TMEM214: variants seen among roughly 807,000 people sequenced by gnomAD.
TMEM214 encodes transmembrane protein 214.
In TMEM214, 71 loss-of-function variants were observed where a neutral mutation model predicts 89.8. That is an observed-to-expected ratio of 0.79 (90% confidence interval 0.65 to 0.96). The LOEUF (loss-of-function observed/expected upper bound fraction) is 0.96. Among genes scored for constraint, TMEM214 ranks in the 40% least tolerant of loss-of-function variants. The pLI is 0.00. For missense variants in TMEM214, 754 were observed against 843.4 expected, an observed-to-expected ratio of 0.89 and a Z score of 1.31; for synonymous variants, 332 against 349.5, an observed-to-expected ratio of 0.95 and a Z score of 0.56.
intron 7 of TMEM214, 92 bp from the exon 8 acceptor site, chr2:27,036,985 C>G: frequency 8.1e-7 from 1 of 1,235,928 alleles, no homozygotes; most frequent in South Asian, 1.2e-5. Flanking sequence ...AGTTTATACC[C>G]TTTTTCCTAG....
rs754026289 is a variant in TMEM214 at position 27,038,697 on chromosome 2, C to G, written c.1294-5C>G. 3.7e-6 allele frequency: 6 copies of G among 1,613,480 alleles called. No homozygotes were observed. The highest frequency in any genetic ancestry group is 5.1e-6 in the Non-Finnish European group (6 of 1,179,644). On this transcript the variant is annotated splice_polypyrimidine_tract_variant and splice_region_variant and intron_variant, in intron 11 of 16. Coordinates refer to ENST00000238788, the MANE Select transcript of TMEM214 (RefSeq NM_017727.5). This position sits in a 1 kb window ranked among gnomAD's most constrained non-coding sequence, Gnocchi z 4.4. Reference sequence around the variant, plus strand: ...CCTCACAGGCCAGACCTTTCTTGTCCATAGGTACAGAAGTCTTTGCAAGAA... The same window carrying G: ...CCTCACAGGCCAGACCTTTCTTGTCGATAGGTACAGAAGTCTTTGCAAGAA...
At chr2:27,040,296 G>T (rs779360645) in intron 15 of TMEM214, 49 bp from the exon 16 acceptor site, 25 of 1,611,048 alleles carry the variant, frequency 1.6e-5, no homozygotes, top group African/African-American at 2.7e-5. Flanking sequence ...TTTAGGGCCA[G>T]GATGCAGTTC....
At chr2:27,040,618 C>A (rs1667797567) in intron 16 of TMEM214, 93 bp from the exon 17 acceptor site, 1 of 1,587,556 alleles carries the variant, frequency 6.3e-7, no homozygotes, top group Admixed American at 1.7e-5. Context: ...TCCTGGCCAC[C>A]CTGGGATGAG....
In TMEM214 at chr2:27,038,629, C is replaced by T; in HGVS notation, c.1294-73C>T. ...CACTGTCCCTTCCCTGAGAAGGGAC[C>T]CTGTTGGCATGGAAAATGAAGCAGG... On this transcript the variant is annotated intron_variant, in intron 11 of 16. Coordinates refer to ENST00000238788, the MANE Select transcript of TMEM214 (RefSeq NM_017727.5). The surrounding 1 kb of genome is among the most constrained non-coding windows in gnomAD (Gnocchi z 4.4). 1 of 1,598,652 alleles carries T rather than the reference C, an allele frequency of 6.3e-7. No homozygotes were observed.
At position 27,040,840 on chromosome 2, in the gene TMEM214, C is replaced by T. The variant is rs1667806897; in HGVS notation, c.*3C>T. 1 of 1,612,038 alleles carries T rather than the reference C, an allele frequency of 6.2e-7. No homozygotes were observed. The highest frequency in any genetic ancestry group is 2.2e-5 in the East Asian group (1 of 44,780). On this transcript the variant is annotated 3_prime_UTR_variant, in exon 17 of 17. Transcript: ENST00000238788. ...TTGCCCTGATATCCCAGCAGTAGGC[C>T]CTGCCTTCCTGGCCACTGATTTCTG... is the stretch of plus-strand genomic sequence containing the variant.
In TMEM214 at chr2:27,038,718, A is replaced by G; in HGVS notation, c.1310A>G (p.Gln437Arg). Residue 437 changes from glutamine (Q) to arginine (R), a missense_variant, in exon 12 of 17, where the codon CAA becomes CGA. Physicochemically the swap from Gln to Arg is conservative, Grantham distance 43. Transcript: ENST00000238788. This position sits in a 1 kb window ranked among gnomAD's most constrained non-coding sequence, Gnocchi z 4.4. ...TGTCCATAGGTACAGAAGTCTTTGC[A>G]AGAAACCATTCAGTCCCTCAAGCTT... ...QIPKKVQKSL[Q>R]ETIQSLKLTN... is the part of the protein sequence containing the mutation. The G allele has an allele frequency of 1.2e-6, 2 of 1,614,168 alleles. No homozygotes were observed. The highest frequency in any genetic ancestry group is 2.2e-5 in the South Asian group (2 of 91,082).
chr2:27,038,706 A>T lies in TMEM214; in HGVS notation c.1298A>T (p.Gln433Leu), dbSNP rs1012642661. The T allele has an allele frequency of 5.0e-6, 8 of 1,613,946 alleles. No individual in the cohort carries two copies. In the African/African-American group the frequency reaches 1.1e-4, roughly 22 times the overall value. ...CCAGACCTTTCTTGTCCATAGGTAC[A>T]GAAGTCTTTGCAAGAAACCATTCAG... ...SSWEQIPKKV[Q>L]KSLQETIQSL... is the part of the protein sequence containing the mutation. The change falls in exon 12 of 17, where the codon CAG becomes CTG. Residue 433 changes from glutamine (Q) to leucine (L), a missense_variant. Transcript: ENST00000238788. This position sits in a 1 kb window ranked among gnomAD's most constrained non-coding sequence, Gnocchi z 4.4.
At position 27,038,616 on chromosome 2, in the gene TMEM214, C is replaced by T; in HGVS notation, c.1293+84C>T. 6.3e-7 allele frequency: 1 copy of T among 1,595,776 alleles called. No homozygotes were observed. The highest frequency in any genetic ancestry group is 8.6e-7 in the Non-Finnish European group (1 of 1,164,526). On this transcript the variant is annotated intron_variant, in intron 11 of 16. Coordinates refer to ENST00000238788, the MANE Select transcript of TMEM214 (RefSeq NM_017727.5). This position sits in a 1 kb window ranked among gnomAD's most constrained non-coding sequence, Gnocchi z 4.4. ...GGGGCTCCTCAGCCACTGTCCCTTCCCTGAGAAGGGACCCTGTTGGCATGG... is the reference window on the plus strand; with the variant it reads ...GGGGCTCCTCAGCCACTGTCCCTTCTCTGAGAAGGGACCCTGTTGGCATGG...
chr2:27,039,949 C>T (rs909054162), intron 14 of TMEM214, 81 bp from the exon 15 acceptor site: 1 of 1,594,836 alleles, frequency 6.3e-7, no homozygotes, highest in Non-Finnish European at 8.5e-7. Context: ...CCCACGGCCT[C>T]CCTTTCCCCA....
At position 27,039,726 on chromosome 2, in the gene TMEM214, G is replaced by A; in HGVS notation, c.1526-15G>A. The A allele has an allele frequency of 6.2e-7, 1 of 1,612,304 alleles. No individual in the cohort carries two copies. The highest frequency in any genetic ancestry group is 8.5e-7 in the Non-Finnish European group (1 of 1,178,350). On this transcript the variant is annotated splice_polypyrimidine_tract_variant and intron_variant, in intron 13 of 16. Transcript: ENST00000238788. ...CCTCTCACCTCCCAGCTCACCAGAG[G>A]CCCCCTTTACTTAGCCTCCCTTACT...
In TMEM214 at chr2:27,041,682, G is replaced by C. The variant is rs1225950475; in HGVS notation, c.*845G>C. 2.0e-5 allele frequency: 3 copies of C among 153,748 alleles called. No homozygotes were observed. Among genetic ancestry groups the C allele is most frequent in the Non-Finnish European group, 4.4e-5 (3 of 68,052 alleles). 9.5% of individuals were successfully genotyped at this position (153,748 alleles called of 1,614,324 possible). A position where few individuals can be genotyped will look rare whatever the true frequency, so the allele number is the denominator to read the frequency against. ...CCTACCAGGTGGAATAAAGGACACA[G>C]ATTTGATTTCTAGCATTCTTGTCTG... On this transcript the variant is annotated 3_prime_UTR_variant, in exon 17 of 17. Transcript: ENST00000238788.
chr2:27,036,540 C>T lies in TMEM214; in HGVS notation c.774C>T (p.Ile258=). 6.2e-7 allele frequency: 1 copy of T among 1,614,148 alleles called. No individual in the cohort carries two copies. ...HQSRPAKCLT[I]MWALGQAGFA... ...GCCGACCAGCAAAGTGTCTCACCAT[C>T]ATGTGGGCCCTGGGTCAAGCAGGTT... Residue 258 remains isoleucine (I), a synonymous_variant, in exon 6 of 17, where the codon ATC becomes ATT. Transcript: ENST00000238788.
intron 13 of TMEM214, 110 bp downstream of exon 13, chr2:27,039,274 A>C: frequency 3.4e-6 from 3 of 894,984 alleles, no homozygotes; most frequent in Non-Finnish European, 5.2e-6. Flanking sequence ...ACGAGTTCTC[A>C]ATCCTGCAGA....
chr2:27,037,967 G>T (rs947963374), intron 9 of TMEM214, 179 bp from the exon 10 acceptor site: 49 of 1,555,092 alleles, frequency 3.2e-5, no homozygotes, highest in Non-Finnish European at 3.9e-5. Context: ...AGGAGCCCCA[G>T]CCTCCTGCTT....
At chr2:27,036,355 TG>T in intron 5 of TMEM214, 131 bp from the exon 6 acceptor site, 2 of 801,424 alleles carry the variant, frequency 2.5e-6, no homozygotes, top group Non-Finnish European at 4.3e-6. Flanking sequence ...CTGCACCACG[TG>T]GCCATAGTGC....
Position 27,040,372 on chromosome 2 carries a change from A to C in TMEM214, c.1819A>C (p.Asn607His), listed in dbSNP as rs1433440188. ...RLQIQLPDSV[N>H]QLLRYLRELP... ...ACAGATCCAGCTCCCCGATTCCGTG[A>C]ATCAGCTACTCCGCTATCTGAGAGA... Residue 607 changes from asparagine to histidine, a missense_variant, in exon 16 of 17, where the codon AAT (asparagine) becomes CAT (histidine). Coordinates refer to ENST00000238788, the MANE Select transcript of TMEM214 (RefSeq NM_017727.5). 1.9e-6 allele frequency: 3 copies of C among 1,614,232 alleles called. No homozygotes were observed. Among genetic ancestry groups the C allele is most frequent in the African/African-American group, 2.7e-5 (2 of 75,062 alleles).
In TMEM214 at chr2:27,040,994, T is replaced by A; in HGVS notation, c.*157T>A. 1 of 876,950 alleles carries A rather than the reference T, an allele frequency of 1.1e-6. No homozygotes were observed. The highest frequency in any genetic ancestry group is 1.7e-6 in the Non-Finnish European group (1 of 580,134). The allele number at this position is 876,950 out of a possible 1,614,324, so 54.3% of individuals were successfully genotyped here. On this transcript the variant is annotated 3_prime_UTR_variant, in exon 17 of 17. Coordinates refer to ENST00000238788, the MANE Select transcript of TMEM214 (RefSeq NM_017727.5). ...GCCTCCACCTCAGTTCTTCCATCTT[T>A]GGTGGGGACAGGGCCCAGCAGCATC...
rs750399888 is a variant in TMEM214, at chr2:27,034,258, C to T, written c.343C>T (p.Leu115=). Residue 115 remains leucine (L), a synonymous_variant, in exon 2 of 17, where the codon CTG becomes TTG. Coordinates refer to ENST00000238788, the MANE Select transcript of TMEM214 (RefSeq NM_017727.5). The part of the protein sequence containing the change: ...QGRFRSLEEA[L]KALDVADLQK... ...CCGCTTCCGCAGCCTGGAGGAAGCA[C>T]TGAAAGCTGTGAGTGTGCCTAGACA... The T allele has an allele frequency of 6.2e-7, 1 of 1,613,684 alleles. No individual in the cohort carries two copies. The highest frequency in any genetic ancestry group is 8.5e-7 in the Non-Finnish European group (1 of 1,180,016).
chr2:27,040,078 G>A lies in TMEM214; in HGVS notation c.1671G>A (p.Val557=). 1.9e-6 allele frequency: 3 copies of A among 1,608,848 alleles called. No individual in the cohort carries two copies. The highest frequency in any genetic ancestry group is 2.5e-6 in the Non-Finnish European group (3 of 1,180,008). Reference sequence around the variant, plus strand: ...TCTGGGGCTCCCACCTGCTCACCGTGGTGCGGCCCAGCTTGCAGCTGGCCT... The same window carrying A: ...TCTGGGGCTCCCACCTGCTCACCGTAGTGCGGCCCAGCTTGCAGCTGGCCT... ...LPLWGSHLLT[V]VRPSLQLAWA... Residue 557 remains valine, a synonymous_variant, in exon 15 of 17, where the codon GTG becomes GTA. Coordinates refer to ENST00000238788, the MANE Select transcript of TMEM214 (RefSeq NM_017727.5).
Sources: allele counts gnomAD v4.1 joint callset, GRCh38; gene constraint gnomAD v4.1.1; non-coding constraint Gnocchi (gnomAD v3.1); transcripts MANE v1.5; gene names NCBI Gene and HGNC (gene_info 2026-07-23, HGNC 2026-07-21).